The following CNTNAP2 variants were observed in gnomAD, a reference collection of about 807,000 sequenced individuals.
CNTNAP2 encodes the protein contactin associated protein 2, also known as contactin-associated protein-like 2.
CNTNAP2 carries 98 observed loss-of-function variants against 155.2 expected under a neutral mutation model. That is an observed-to-expected ratio of 0.63 (90% CI 0.54 to 0.75). The LOEUF is 0.75. Among genes scored for constraint, CNTNAP2 ranks in the 30% least tolerant of loss-of-function variants. The probability of loss-of-function intolerance (pLI) is 0.00; values close to 1 mark genes in which losing one functional copy is unlikely to be tolerated. For missense variants in CNTNAP2, 1,727 were observed against 1,688.1 expected (o/e 1.02, Z -0.40); for synonymous variants, 651 against 631.2 (o/e 1.03, Z -0.47).
chr7:146,213,170 A>C (rs999171367), intron 1 of CNTNAP2, among the ~76,000 whole-genome samples: 3 of 152,188 alleles, frequency 2.0e-5, no homozygotes, highest in African/African-American at 7.2e-5. Context: ...GTTTATGTGC[A>C]TATAAAGGTA....
intron 15 of CNTNAP2, among the ~76,000 whole-genome samples, chr7:148,058,798 A>G (rs1803072268): frequency 6.6e-6 from 1 of 152,160 alleles, no homozygotes; most frequent in Non-Finnish European, 1.5e-5. Flanking sequence ...GTTTGTTTTT[A>G]GCGTTGTATG....
chr7:148,107,234 C>T (rs527636083), intron 15 of CNTNAP2, among the ~76,000 whole-genome samples: 3 of 152,290 alleles, frequency 2.0e-5, no homozygotes, highest in Non-Finnish European at 4.4e-5. Flanking sequence ...TTACCACAAG[C>T]CCCAGAACCT....
At chr7:147,775,782 T>C (rs558756897) in intron 13 of CNTNAP2, among the ~76,000 whole-genome samples, 45 of 152,258 alleles carry the variant, frequency 3.0e-4, no homozygotes, top group Non-Finnish European at 5.3e-4. Flanking sequence ...TGCATGTTAT[T>C]ATATCTATCT....
At chr7:146,846,449 T>G (rs1803843529) in intron 3 of CNTNAP2, among the ~76,000 whole-genome samples, 1 of 152,216 alleles carries the variant, frequency 6.6e-6, no homozygotes, top group East Asian at 1.9e-4. Context: ...AGCTCCTTAT[T>G]TCTGTGAAAT....
At chr7:146,983,640 G>A (rs1563031778) in intron 3 of CNTNAP2, among the ~76,000 whole-genome samples, 1 of 152,264 alleles carries the variant, frequency 6.6e-6, no homozygotes, top group East Asian at 1.9e-4. Flanking sequence ...CCCATAGTAA[G>A]CATGAGGGCT....
chr7:148,062,246 C>G (rs1433983214), intron 15 of CNTNAP2, among the ~76,000 whole-genome samples: 1 of 151,550 alleles, frequency 6.6e-6, no homozygotes, highest in African/African-American at 2.4e-5. Flanking sequence ...AAAGGAAAAA[C>G]CGGGTAACTA....
At chr7:147,996,703 A>G (rs1302750861) in intron 15 of CNTNAP2, among the ~76,000 whole-genome samples, 1 of 152,214 alleles carries the variant, frequency 6.6e-6, no homozygotes, top group Non-Finnish European at 1.5e-5. Context: ...TAAAACCCTC[A>G]GTTTTGTAAT....
At chr7:147,355,355 G>A (rs188177396) in intron 9 of CNTNAP2, among the ~76,000 whole-genome samples, 56 of 152,006 alleles carry the variant, frequency 3.7e-4, no homozygotes, top group Middle Eastern at 3.4e-3. Flanking sequence ...ATCTAGAATC[G>A]GTATCCTAAC....
intron 1 of CNTNAP2, among the ~76,000 whole-genome samples, chr7:146,736,187 A>G (rs1801617206): frequency 6.6e-6 from 1 of 152,010 alleles, no homozygotes; most frequent in African/African-American, 2.4e-5. Flanking sequence ...ATATGCAAAC[A>G]CTGGGCCGTT....
At chr7:146,987,684 GT>G (rs1029771702) in intron 3 of CNTNAP2, among the ~76,000 whole-genome samples, 3 of 152,060 alleles carry the variant, frequency 2.0e-5, no homozygotes, top group Non-Finnish European at 2.9e-5. Flanking sequence ...GAAGCATTTT[GT>G]GTATTTTGTG....
At chr7:147,718,492 A>G (rs1379515698) in intron 13 of CNTNAP2, among the ~76,000 whole-genome samples, 1 of 152,156 alleles carries the variant, frequency 6.6e-6, no homozygotes, top group Admixed American at 6.5e-5. Context: ...CATAAGAATC[A>G]CTAGTACTTT....
At chr7:148,083,126 G>A (rs1803648263) in intron 15 of CNTNAP2, among the ~76,000 whole-genome samples, 1 of 152,150 alleles carries the variant, frequency 6.6e-6, no homozygotes, top group African/African-American at 2.4e-5. Flanking sequence ...GGATGAAGAG[G>A]ATCTGCACCC....
intron 1 of CNTNAP2, among the ~76,000 whole-genome samples, chr7:146,771,150 A>G (rs1478715842): frequency 6.6e-6 from 1 of 152,106 alleles, no homozygotes; most frequent in Non-Finnish European, 1.5e-5. Context: ...TTCATATTTA[A>G]TGTTCCTTCT....
chr7:147,839,301 A>G (rs1378911344), intron 13 of CNTNAP2, among the ~76,000 whole-genome samples: 2 of 152,176 alleles, frequency 1.3e-5, no homozygotes, highest in African/African-American at 4.8e-5. Flanking sequence ...TGCATCCTTC[A>G]ATCCAATCAA....
At chr7:148,297,146 A>T (rs1797299263) in intron 21 of CNTNAP2, among the ~76,000 whole-genome samples, 1 of 150,788 alleles carries the variant, frequency 6.6e-6, no homozygotes, top group African/African-American at 2.4e-5. Context: ...GAAGAAAAAA[A>T]AAGAGAGGGA....
intron 13 of CNTNAP2, among the ~76,000 whole-genome samples, chr7:147,701,294 A>T (rs1398948343): frequency 1.3e-5 from 2 of 152,160 alleles, no homozygotes; most frequent in Admixed American, 6.6e-5. Flanking sequence ...CTTCAGTTTC[A>T]TGTTTCTGGG....
At chr7:146,620,744 G>A (rs1799303746) in intron 1 of CNTNAP2, among the ~76,000 whole-genome samples, 1 of 152,102 alleles carries the variant, frequency 6.6e-6, no homozygotes, top group Non-Finnish European at 1.5e-5. Flanking sequence ...ACATATGAGA[G>A]AATTTTGAAA....
At position 147,066,889 on chromosome 7, in the gene CNTNAP2, G is replaced by T. The variant is rs542951421; in HGVS notation, c.550+22835G>T. On this transcript the variant is annotated intron_variant, in intron 4 of 23. Transcript: ENST00000361727. ...GGGACTGGAAATCTAAGATCAGGGT[G>T]CTAGCATCATCGAGTTTGGGTGAAG... Among the ~76,000 whole-genome samples the T allele has an allele frequency of 1.1e-4, 17 of 152,294 alleles. No homozygotes were observed. The East Asian group carries it at 3.1e-3, about 28-fold the overall frequency.
chr7:147,061,796 A>G (rs535663793), intron 4 of CNTNAP2, among the ~76,000 whole-genome samples: 2 of 152,354 alleles, frequency 1.3e-5, no homozygotes, highest in East Asian at 3.9e-4. Flanking sequence ...CACTAGCTGA[A>G]TAAACTAGTA....
Sources: gnomAD v4.1 joint callset for allele counts (sites outside exome capture counted in the v4.1 genomes callset) on GRCh38, gnomAD v4.1.1 for gene constraint, MANE v1.5 for transcripts, NCBI Gene and HGNC (gene_info 2026-07-23, HGNC 2026-07-21) for gene names.